ASIC2: variants seen among roughly 807,000 people sequenced by gnomAD.
ASIC2 encodes the protein acid sensing ion channel subunit 2.
In ASIC2, 25 loss-of-function variants were observed where a neutral mutation model predicts 57.3. The observed-to-expected ratio is 0.44, with a 90% CI of 0.32 to 0.61. ASIC2 has a LOEUF of 0.61. ASIC2 is among the 20% of genes least tolerant of loss of function. ASIC2 has a pLI of 0.06. For missense variants in ASIC2, 641 were observed against 738.1 expected (o/e 0.87, Z 1.52); for synonymous variants, 319 against 307.5 (o/e 1.04, Z -0.39).
intron 1 of ASIC2, among the ~76,000 whole-genome samples, chr17:33,444,750 G>C (rs1279531691): frequency 3.3e-5 from 5 of 152,196 alleles, no homozygotes; most frequent in Non-Finnish European, 7.3e-5. Context: ...CTGGAAGAGA[G>C]CTACTAAGCA....
intron 1 of ASIC2, among the ~76,000 whole-genome samples, chr17:33,394,173 A>C (rs555833038): frequency 2.0e-5 from 3 of 152,240 alleles, no homozygotes; most frequent in Admixed American, 1.3e-4. Context: ...TGACAGGGCT[A>C]TAAGTAAAAA....
chr17:33,580,518 G>A (rs901782271), intron 1 of ASIC2, among the ~76,000 whole-genome samples: 1 of 152,144 alleles, frequency 6.6e-6, no homozygotes, highest in African/African-American at 2.4e-5. Context: ...TTGGATGATG[G>A]GTCTGTTGCA....
At chr17:33,799,374 CTTCCTTTCTTT>C (rs1567718828) in intron 1 of ASIC2, among the ~76,000 whole-genome samples, 57 of 99,404 alleles carry the variant, frequency 5.7e-4, no homozygotes, top group African/African-American at 1.5e-3. Flanking sequence ...TTCTTTCTTT[CTTCCTTTCTTT>C]CTTTCTTTCT....
chr17:33,442,648 T>C (rs1465833946), intron 1 of ASIC2, among the ~76,000 whole-genome samples: 1 of 152,154 alleles, frequency 6.6e-6, no homozygotes, highest in African/African-American at 2.4e-5. Flanking sequence ...TCACTAGTTA[T>C]AGTAGTTTCT....
chr17:33,473,798 A>G (rs1913129938), intron 1 of ASIC2, among the ~76,000 whole-genome samples: 1 of 151,822 alleles, frequency 6.6e-6, no homozygotes, highest in Non-Finnish European at 1.5e-5. Context: ...CTTTCTCCAG[A>G]TCTTCTTTCT....
At chr17:33,070,291 A>G (rs533255190) in intron 3 of ASIC2, among the ~76,000 whole-genome samples, 1 of 151,922 alleles carries the variant, frequency 6.6e-6, no homozygotes, top group South Asian at 2.1e-4. Context: ...AAATATATTT[A>G]CCATTGTAGT....
At chr17:33,213,834 G>A (rs1907372034) in intron 1 of ASIC2, among the ~76,000 whole-genome samples, 1 of 152,188 alleles carries the variant, frequency 6.6e-6, no homozygotes, top group South Asian at 2.1e-4. Context: ...AGGATAGGTA[G>A]GTGGTCCAAG....
intron 1 of ASIC2, among the ~76,000 whole-genome samples, chr17:33,919,962 A>G (rs1168791741): frequency 1.3e-5 from 2 of 152,226 alleles, no homozygotes; most frequent in Non-Finnish European, 2.9e-5. Context: ...AATCAAAACC[A>G]CAATGAGATA....
At chr17:33,516,349 T>G (rs912320840) in intron 1 of ASIC2, among the ~76,000 whole-genome samples, 1 of 143,142 alleles carries the variant, frequency 7.0e-6, no homozygotes, top group Non-Finnish European at 1.5e-5. Context: ...TGTTTGTATG[T>G]GTGTGTGTGT....
chr17:33,400,026 G>C (rs999872046), intron 1 of ASIC2, among the ~76,000 whole-genome samples: 1 of 152,184 alleles, frequency 6.6e-6, no homozygotes, highest in African/African-American at 2.4e-5. Context: ...GTCTGCACAG[G>C]TCTGGGCCAG....
chr17:33,304,170 C>A (rs899407505), intron 1 of ASIC2, among the ~76,000 whole-genome samples: 1 of 152,162 alleles, frequency 6.6e-6, no homozygotes, highest in African/African-American at 2.4e-5. Context: ...AAGAACATGA[C>A]AAGGATGCCA....
chr17:33,614,391 G>A (rs1039476537), intron 1 of ASIC2, among the ~76,000 whole-genome samples: 10 of 152,160 alleles, frequency 6.6e-5, no homozygotes, highest in African/African-American at 2.4e-4. Context: ...TACCTGGTGG[G>A]TTGGGCTGTA....
chr17:33,517,852 AAAAAT>A (rs954009302), intron 1 of ASIC2, among the ~76,000 whole-genome samples: 2 of 152,192 alleles, frequency 1.3e-5, no homozygotes, highest in South Asian at 2.1e-4. Context: ...AGCATAATAA[AAAAAT>A]AAAATAAAAT....
At chr17:33,930,676 G>A (rs1915912147) in intron 1 of ASIC2, among the ~76,000 whole-genome samples, 2 of 152,238 alleles carry the variant, frequency 1.3e-5, no homozygotes, top group Non-Finnish European at 2.9e-5. Flanking sequence ...CTACCCTGAG[G>A]GATGAAGCTC....
intron 1 of ASIC2, among the ~76,000 whole-genome samples, chr17:34,117,187 G>A (rs552099584): frequency 6.6e-6 from 1 of 152,148 alleles, no homozygotes; most frequent in South Asian, 2.1e-4. Context: ...ACATCTATAT[G>A]GGCTACACAG....
chr17:33,690,824 AC>A (rs1163907381), intron 1 of ASIC2, among the ~76,000 whole-genome samples: 1 of 131,612 alleles, frequency 7.6e-6, no homozygotes, highest in Non-Finnish European at 1.5e-5. Context: ...ATCTTGGCTC[AC>A]TGCAAGCTCC....
At chr17:33,789,037 A>G (rs777010838) in intron 1 of ASIC2, among the ~76,000 whole-genome samples, 17 of 152,166 alleles carry the variant, frequency 1.1e-4, no homozygotes, top group Non-Finnish European at 2.4e-4. Context: ...GAAGAAATAA[A>G]GAAAAAAAGT....
At chr17:34,142,802 TAAA>T (rs1263205268) in intron 1 of ASIC2, 1 of 152,154 alleles carries the variant, frequency 6.6e-6, no homozygotes, top group Non-Finnish European at 1.5e-5. Context: ...GAGTGAGATT[TAAA>T]ATGGAGAAGT....
At chr17:33,297,867 T>TAAATA (rs201139006), upstream of ASIC2, among the ~76,000 whole-genome samples, 5 of 138,062 alleles carry the variant, frequency 3.6e-5, no homozygotes, top group African/African-American at 1.4e-4. Flanking sequence ...AATAAATAAA[T>TAAATA]AATAAAGTTT....
Sources: gnomAD v4.1 joint callset for allele counts (sites outside exome capture counted in the v4.1 genomes callset) on GRCh38, gnomAD v4.1.1 for gene constraint, MANE v1.5 for transcripts, NCBI Gene and HGNC (gene_info 2026-07-23, HGNC 2026-07-21) for gene names.